The following MAFB variants were observed in gnomAD, a reference collection of about 807,000 sequenced individuals.
The protein encoded by MAFB is MAF bZIP transcription factor B, also known as transcription factor MafB.
A neutral mutation model predicts 17.7 loss-of-function variants in MAFB; 3 were observed. The observed-to-expected ratio is 0.17, with a 90% CI of 0.08 to 0.44. MAFB has a LOEUF of 0.44. Among genes scored for constraint, MAFB ranks in the 20% least tolerant of loss-of-function variants. The pLI is 0.99. For missense variants in MAFB, 355 were observed against 461.3 expected, an observed-to-expected ratio of 0.77 and a Z score of 2.11; for synonymous variants, 214 against 211.5, an observed-to-expected ratio of 1.01 and a Z score of -0.10.
In MAFB at chr20:40,688,671, G is replaced by T; in HGVS notation, c.180C>A (p.Leu60=). Residue 60 remains leucine (L), a synonymous_variant, in exon 1 of 1, where the codon CTC becomes CTA. Transcript: ENST00000373313. The stretch of plus-strand genomic sequence containing the variant: ...AGGGCACGGAGCTACACGGAGTGCT[G>T]AGCGGTGTGGAGGACACCGAGCCGG... ...QPAGSVSSTP[L]STPCSSVPSS... is the part of the protein sequence containing the mutation. The T allele has an allele frequency of 6.2e-7, 1 of 1,613,988 alleles. No homozygotes were observed. The highest frequency in any genetic ancestry group is 1.1e-5 in the South Asian group (1 of 91,084).
chr20:40,685,987 A>C lies in MAFB; in HGVS notation c.*1892T>G, dbSNP rs1049022790. The stretch of plus-strand genomic sequence containing the variant: ...TTTCATATCATAAGCAGGGTTTGAA[A>C]TTGATCCCTTATTTTACATGAAATA... On this transcript the variant is annotated 3_prime_UTR_variant, in exon 1 of 1. Coordinates refer to ENST00000373313, the MANE Select transcript of MAFB (RefSeq NM_005461.5). 1.6e-5 allele frequency: 3 copies of C among 188,206 alleles called. No individual in the cohort carries two copies. Among genetic ancestry groups the C allele is most frequent in the Admixed American group, 6.2e-5 (1 of 16,142 alleles). The allele number at this position is 188,206 out of a possible 1,614,324, so 11.7% of individuals were successfully genotyped here.
Position 40,686,424 on chromosome 20 carries a change from G to T in MAFB, c.*1455C>A. The T allele has an allele frequency of 3.0e-6, 1 of 328,614 alleles. No homozygotes were observed. The highest frequency in any genetic ancestry group is 5.5e-6 in the Non-Finnish European group (1 of 182,292). 20.4% of individuals were successfully genotyped at this position (328,614 alleles called of 1,614,324 possible). A position where few individuals can be genotyped will look rare whatever the true frequency, so the allele number is the denominator to read the frequency against. ...GCAGGGAAAGAAACGCAATGCATTG[G>T]TCTAAAGAACGCACTTGAAAGTTGC... On this transcript the variant is annotated 3_prime_UTR_variant, in exon 1 of 1. Transcript: ENST00000373313.
chr20:40,687,708 C>G lies in MAFB; in HGVS notation c.*171G>C, dbSNP rs1314677980. 4.9e-6 allele frequency: 4 copies of G among 819,248 alleles called. No homozygotes were observed. The highest frequency in any genetic ancestry group is 7.4e-6 in the Non-Finnish European group (4 of 537,130). 50.7% of individuals were successfully genotyped at this position (819,248 alleles called of 1,614,324 possible). On this transcript the variant is annotated 3_prime_UTR_variant, in exon 1 of 1. Coordinates refer to ENST00000373313, the MANE Select transcript of MAFB (RefSeq NM_005461.5). Reference sequence around the variant, plus strand: ...CCTTAGCCAAGGTCCCCTGCCCGCCCGCGCACCCGCCCGTCGCCCGCGGCC... The same window carrying G: ...CCTTAGCCAAGGTCCCCTGCCCGCCGGCGCACCCGCCCGTCGCCCGCGGCC...
At position 40,686,531 on chromosome 20, in the gene MAFB, C is replaced by A. The variant is rs1986831581; in HGVS notation, c.*1348G>T. ...AGTGCAGTGTCTGCTTACCAGTGCA[C>A]TGCCAGGGTCAGGGATGGCTAAGCC... On this transcript the variant is annotated 3_prime_UTR_variant, in exon 1 of 1. Transcript: ENST00000373313. 5.0e-6 allele frequency: 2 copies of A among 396,488 alleles called. No individual in the cohort carries two copies. The highest frequency in any genetic ancestry group is 7.1e-5 in the East Asian group (2 of 28,002). 24.6% of individuals were successfully genotyped at this position (396,488 alleles called of 1,614,324 possible). A position where few individuals can be genotyped will look rare whatever the true frequency, so the allele number is the denominator to read the frequency against.
chr20:40,686,450 A>G lies in MAFB; in HGVS notation c.*1429T>C. The G allele has an allele frequency of 8.3e-6, 3 of 363,012 alleles. No individual in the cohort carries two copies. 22.5% of individuals were successfully genotyped at this position (363,012 alleles called of 1,614,324 possible). The stretch of plus-strand genomic sequence containing the variant: ...TCTAAAGAACGCACTTGAAAGTTGC[A>G]AAATTACTTGCCAATGTTTGGGTTT... On this transcript the variant is annotated 3_prime_UTR_variant, in exon 1 of 1. Transcript: ENST00000373313.
In MAFB at chr20:40,686,362, G is replaced by C. The variant is rs1056771186; in HGVS notation, c.*1517C>G. On this transcript the variant is annotated 3_prime_UTR_variant, in exon 1 of 1. Coordinates refer to ENST00000373313, the MANE Select transcript of MAFB (RefSeq NM_005461.5). ...CTATACAACTGAAGAATTGAAGGGGGGGGACACCACCAAGAACTCTTCCTA... is the reference window on the plus strand; with the variant it reads ...CTATACAACTGAAGAATTGAAGGGGCGGGACACCACCAAGAACTCTTCCTA... The C allele has an allele frequency of 7.9e-5, 21 of 264,230 alleles. No individual in the cohort carries two copies. The highest frequency in any genetic ancestry group is 1.2e-4 in the Non-Finnish European group (17 of 140,278). The allele number at this position is 264,230 out of a possible 1,614,324, so 16.4% of individuals were successfully genotyped here. A position where few individuals can be genotyped will look rare whatever the true frequency, so the allele number is the denominator to read the frequency against.
In MAFB at chr20:40,686,547, T is replaced by C. The variant is rs1986832039; in HGVS notation, c.*1332A>G. 5.0e-6 allele frequency: 2 copies of C among 397,144 alleles called. No individual in the cohort carries two copies. Among genetic ancestry groups the C allele is most frequent in the Non-Finnish European group, 8.9e-6 (2 of 225,710 alleles). The allele number at this position is 397,144 out of a possible 1,614,324, so 24.6% of individuals were successfully genotyped here. A position where few individuals can be genotyped will look rare whatever the true frequency, so the allele number is the denominator to read the frequency against. On this transcript the variant is annotated 3_prime_UTR_variant, in exon 1 of 1. Coordinates refer to ENST00000373313, the MANE Select transcript of MAFB (RefSeq NM_005461.5). ...ACCAGTGCACTGCCAGGGTCAGGGA[T>C]GGCTAAGCCTCTCACCCTAGGAGCG...
At position 40,686,632 on chromosome 20, in the gene MAFB, T is replaced by C. The variant is rs1986834070; in HGVS notation, c.*1247A>G. The C allele has an allele frequency of 2.5e-6, 1 of 398,024 alleles. No homozygotes were observed. The highest frequency in any genetic ancestry group is 4.4e-6 in the Non-Finnish European group (1 of 226,074). 24.7% of individuals were successfully genotyped at this position (398,024 alleles called of 1,614,324 possible). A position where few individuals can be genotyped will look rare whatever the true frequency, so the allele number is the denominator to read the frequency against. ...TTCAGAAGGGACCTCAGGGTGATTC[T>C]GGTTACAATAAAAAGCAGAGGGGAG... On this transcript the variant is annotated 3_prime_UTR_variant, in exon 1 of 1. Transcript: ENST00000373313.
chr20:40,689,001 G>A lies in MAFB; in HGVS notation c.-151C>T. On this transcript the variant is annotated 5_prime_UTR_variant, in exon 1 of 1. Coordinates refer to ENST00000373313, the MANE Select transcript of MAFB (RefSeq NM_005461.5). Reference sequence around the variant, plus strand: ...GGCCGGGGCCGCCGGCCAAGCCTTTGTCTGGGGACGCGGCGGCGCGCCGGA... The same window carrying A: ...GGCCGGGGCCGCCGGCCAAGCCTTTATCTGGGGACGCGGCGGCGCGCCGGA... The A allele has an allele frequency of 1.8e-6, 2 of 1,129,772 alleles. No homozygotes were observed. Among genetic ancestry groups the A allele is most frequent in the Non-Finnish European group, 2.3e-6 (2 of 857,256 alleles). The allele number at this position is 1,129,772 out of a possible 1,614,324, so 70.0% of individuals were successfully genotyped here.
rs981482592 is a variant in MAFB at position 40,689,049 on chromosome 20, G to T, written c.-199C>A. 2 of 678,664 alleles carry T rather than the reference G, an allele frequency of 2.9e-6. No homozygotes were observed. Among genetic ancestry groups the T allele is most frequent in the Non-Finnish European group, 4.4e-6 (2 of 453,538 alleles). 42.0% of individuals were successfully genotyped at this position (678,664 alleles called of 1,614,324 possible). ...GGAGAGTCCCGAGGCTGCCTGCACC[G>T]CCCCAGAGCTCTGGGCTGTGCCCGC... On this transcript the variant is annotated 5_prime_UTR_variant, in exon 1 of 1. Coordinates refer to ENST00000373313, the MANE Select transcript of MAFB (RefSeq NM_005461.5).
chr20:40,687,484 G>T lies in MAFB; in HGVS notation c.*395C>A. The T allele has an allele frequency of 2.7e-6, 1 of 367,266 alleles. No homozygotes were observed. The highest frequency in any genetic ancestry group is 4.8e-6 in the Non-Finnish European group (1 of 206,670). 22.8% of individuals were successfully genotyped at this position (367,266 alleles called of 1,614,324 possible). ...CTCTTCCTGGCGCGGACTACTCTCC[G>T]GGCAGCAAAGCAGCTGTCCCGGCTT... On this transcript the variant is annotated 3_prime_UTR_variant, in exon 1 of 1. Transcript: ENST00000373313.
rs886056678 is a variant in MAFB, at chr20:40,689,188, T to C, written c.-338A>G. On this transcript the variant is annotated 5_prime_UTR_variant, in exon 1 of 1. Coordinates refer to ENST00000373313, the MANE Select transcript of MAFB (RefSeq NM_005461.5). ...GTTGCTCGCTCTCTAGCTCTCTTGC[T>C]CTTACGCTCTCTCGCTCGCAGCCGC... 161 of 332,744 alleles carry C rather than the reference T, an allele frequency of 4.8e-4. No homozygotes were observed. In the East Asian group the frequency reaches 6.6e-3, roughly 14 times the overall value. The allele number at this position is 332,744 out of a possible 1,614,324, so 20.6% of individuals were successfully genotyped here.
chr20:40,686,592 C>T lies in MAFB; in HGVS notation c.*1287G>A, dbSNP rs1019430121. The T allele has an allele frequency of 4.5e-5, 18 of 397,446 alleles. No homozygotes were observed. In the East Asian group the frequency reaches 4.6e-4, roughly 10 times the overall value. The allele number at this position is 397,446 out of a possible 1,614,324, so 24.6% of individuals were successfully genotyped here. On this transcript the variant is annotated 3_prime_UTR_variant, in exon 1 of 1. Coordinates refer to ENST00000373313, the MANE Select transcript of MAFB (RefSeq NM_005461.5). The stretch of plus-strand genomic sequence containing the variant: ...GGAGCGCTGTGGCTCCTACAATTAG[C>T]GCAGGCCCAGAGGGTTCAGAAGGGA...
rs1443154645 is a variant in MAFB, at chr20:40,687,011, C to G, written c.*868G>C. On this transcript the variant is annotated 3_prime_UTR_variant, in exon 1 of 1. Transcript: ENST00000373313. ...CGTAATAATAAACCCAAACAAAGAC[C>G]CTCAGCTTGCTGCCACGTTCTCTAT... The G allele has an allele frequency of 1.5e-5, 6 of 398,700 alleles. No homozygotes were observed. Among genetic ancestry groups the G allele is most frequent in the Non-Finnish European group, 2.7e-5 (6 of 226,042 alleles). 24.7% of individuals were successfully genotyped at this position (398,700 alleles called of 1,614,324 possible).
At position 40,688,530 on chromosome 20, in the gene MAFB, C is replaced by T; in HGVS notation, c.321G>A (p.Ala107=). Residue 107 remains alanine (A), a synonymous_variant, in exon 1 of 1, where the codon GCG becomes GCA. Coordinates refer to ENST00000373313, the MANE Select transcript of MAFB (RefSeq NM_005461.5). ...GGTGCGAGCCGATGAGCGCTTCCAC[C>T]GCGTCCTCGGGCGTCAGGTTGAGCG... ...PEALNLTPED[A]VEALIGSHPV... 6.2e-7 allele frequency: 1 copy of T among 1,613,884 alleles called. No individual in the cohort carries two copies. Among genetic ancestry groups the T allele is most frequent in the Non-Finnish European group, 8.5e-7 (1 of 1,179,956 alleles).
chr20:40,687,740 C>T lies in MAFB; in HGVS notation c.*139G>A. 1 of 1,134,628 alleles carries T rather than the reference C, an allele frequency of 8.8e-7. No individual in the cohort carries two copies. The highest frequency in any genetic ancestry group is 1.6e-5 in the South Asian group (1 of 61,984). The allele number at this position is 1,134,628 out of a possible 1,614,324, so 70.3% of individuals were successfully genotyped here. A position where few individuals can be genotyped will look rare whatever the true frequency, so the allele number is the denominator to read the frequency against. ...CCGCCCGTCGCCCGCGGCCCGCGCG[C>T]CCTTCCTCCCTCTCGCTCAAGTCAA... On this transcript the variant is annotated 3_prime_UTR_variant, in exon 1 of 1. Coordinates refer to ENST00000373313, the MANE Select transcript of MAFB (RefSeq NM_005461.5).
At position 40,688,146 on chromosome 20, in the gene MAFB, C is replaced by T. The variant is rs1252146987; in HGVS notation, c.705G>A (p.Glu235=). ...GCCGCTTCTGCTTCAGGCGGATCAC[C>T]TCGTCCTTGGTGAAGCCCCGCAGGT... is the stretch of plus-strand genomic sequence containing the variant. The part of the protein sequence containing the change: ...NRHLRGFTKD[E]VIRLKQKRRT... Residue 235 remains glutamate (E), a synonymous_variant, in exon 1 of 1, where the codon GAG becomes GAA. Transcript: ENST00000373313. The T allele has an allele frequency of 5.0e-6, 8 of 1,612,046 alleles. No individual in the cohort carries two copies. The highest frequency in any genetic ancestry group is 1.3e-5 in the African/African-American group (1 of 74,950).
In MAFB at chr20:40,688,395, G is replaced by T. The variant is rs1453356342; in HGVS notation, c.456C>A (p.His152Gln). Residue 152 changes from histidine to glutamine, a missense_variant, in exon 1 of 1, where the codon CAC becomes CAA. Around this residue, in one of 3 missense-constraint regions of MAFB, gnomAD observed 285 missense variants for 350.0 expected, o/e 0.81. Coordinates refer to ENST00000373313, the MANE Select transcript of MAFB (RefSeq NM_005461.5). ...HHAYPGAGVA[H>Q]DELGPHAHPH... is the part of the protein sequence containing the mutation. ...GGTGAGCGTGCGGGCCCAGCTCGTC[G>T]TGGGCCACGCCGGCGCCCGGGTACG... 6.4e-7 allele frequency: 1 copy of T among 1,569,384 alleles called. No homozygotes were observed. Among genetic ancestry groups the T allele is most frequent in the African/African-American group, 1.3e-5 (1 of 74,422 alleles).
rs1393028765 is a variant in MAFB at position 40,688,991 on chromosome 20, C to T, written c.-141G>A. 6.4e-6 allele frequency: 8 copies of T among 1,241,278 alleles called. No homozygotes were observed. Among genetic ancestry groups the T allele is most frequent in the Non-Finnish European group, 7.3e-6 (7 of 955,376 alleles). The allele number at this position is 1,241,278 out of a possible 1,614,324, so 76.9% of individuals were successfully genotyped here. A position where few individuals can be genotyped will look rare whatever the true frequency, so the allele number is the denominator to read the frequency against. ...GGGCGCAGCGGGCCGGGGCCGCCGG[C>T]CAAGCCTTTGTCTGGGGACGCGGCG... On this transcript the variant is annotated 5_prime_UTR_variant, in exon 1 of 1. Coordinates refer to ENST00000373313, the MANE Select transcript of MAFB (RefSeq NM_005461.5).
Sources: gnomAD v4.1 joint callset for allele counts on GRCh38, gnomAD v4.1.1 for gene constraint, gnomAD v4.1.1 regional missense constraint, MANE v1.5 for transcripts, NCBI Gene and HGNC (gene_info 2026-07-23, HGNC 2026-07-21) for gene names.